The following ASNS variants were observed in gnomAD, a reference collection of about 807,000 sequenced individuals.
ASNS encodes the protein asparagine synthetase (glutamine-hydrolyzing), also known as asparagine synthetase [glutamine-hydrolyzing].
A neutral mutation model predicts 62.6 loss-of-function variants in ASNS; 37 were observed. The ratio of observed to expected loss-of-function variants is 0.59; its 90% CI spans 0.45 to 0.78. ASNS has a LOEUF of 0.78. Among genes scored for constraint, ASNS ranks in the 30% least tolerant of loss-of-function variants. The pLI is 0.00. For missense variants in ASNS, 520 were observed against 682.4 expected (o/e 0.76, Z 2.65); for synonymous variants, 207 against 237.9 (o/e 0.87, Z 1.19).
upstream of ASNS, among the ~76,000 whole-genome samples, chr7:97,873,994 G>C (rs1273739282): frequency 2.6e-5 from 4 of 152,138 alleles, no homozygotes; most frequent in Non-Finnish European, 5.9e-5. Flanking sequence ...AGGAGACAGG[G>C]TTTTGAGATC....
chr7:97,884,667 CT>C, the ASNS span, among the ~76,000 whole-genome samples: 1 of 152,144 alleles, frequency 6.6e-6, no homozygotes, highest in African/African-American at 2.4e-5. Context: ...ATCCCACCCC[CT>C]AGGCCTCTCC....
intron 9 of ASNS, chr7:97,854,993 TA>T (rs1282950516): frequency 3.1e-6 from 1 of 326,604 alleles, no homozygotes; most frequent in East Asian, 6.8e-5. Context: ...TTTTTTTTTT[TA>T]AGAGACGGGG....
the ASNS span, among the ~76,000 whole-genome samples, chr7:97,893,200 T>C: frequency 6.6e-6 from 1 of 152,234 alleles, no homozygotes; most frequent in Admixed American, 6.5e-5. Flanking sequence ...TGAGACTTAT[T>C]CACTATTAAA....
chr7:97,911,157 A>G, the ASNS span, among the ~76,000 whole-genome samples: 1 of 152,162 alleles, frequency 6.6e-6, no homozygotes, highest in Non-Finnish European at 1.5e-5. Flanking sequence ...TAAATTACGT[A>G]GGGGTGAATA....
chr7:97,884,340 C>A, the ASNS span, among the ~76,000 whole-genome samples: 2 of 151,914 alleles, frequency 1.3e-5, no homozygotes, highest in African/African-American at 2.4e-5. Context: ...CCTGAGATCA[C>A]GAGTTCGAGA....
At chr7:97,867,594 T>C (rs1352010243) in intron 3 of ASNS, among the ~76,000 whole-genome samples, 2 of 152,270 alleles carry the variant, frequency 1.3e-5, no homozygotes, top group African/African-American at 4.8e-5. Context: ...AATGCCATAA[T>C]ACCACCTAGC....
chr7:97,883,748 G>T, the ASNS span, among the ~76,000 whole-genome samples: 1 of 152,152 alleles, frequency 6.6e-6, no homozygotes, highest in East Asian at 1.9e-4. Context: ...AGCACTTTGG[G>T]AGGCCGAGGC....
At chr7:97,882,749 G>A in the ASNS span, among the ~76,000 whole-genome samples, 2 of 141,566 alleles carry the variant, frequency 1.4e-5, no homozygotes, top group Admixed American at 7.1e-5. Flanking sequence ...GCATTGAGTC[G>A]TAATGGAAAA....
the ASNS span, among the ~76,000 whole-genome samples, chr7:97,900,139 C>T: frequency 1.3e-5 from 2 of 150,424 alleles, no homozygotes; most frequent in Non-Finnish European, 3.0e-5. Flanking sequence ...GCAGGTGGAT[C>T]ACCTGAGGCC....
the ASNS span, among the ~76,000 whole-genome samples, chr7:97,902,942 G>A: frequency 7.2e-5 from 11 of 152,130 alleles, no homozygotes; most frequent in African/African-American, 2.7e-4. Flanking sequence ...GGGACATTAG[G>A]CAATATCTGG....
chr7:97,876,199 A>C (rs1299488989), upstream of ASNS, among the ~76,000 whole-genome samples: 5 of 152,090 alleles, frequency 3.3e-5, no homozygotes, highest in Non-Finnish European at 5.9e-5. Flanking sequence ...TTAGGGTTTT[A>C]GTCTGAGGAC....
At chr7:97,921,280 G>T in the ASNS span, among the ~76,000 whole-genome samples, 6 of 152,180 alleles carry the variant, frequency 3.9e-5, no homozygotes, top group African/African-American at 1.2e-4. Context: ...GACTGTCGGG[G>T]TACAAAGATA....
chr7:97,869,237 T>C, intron 2 of ASNS, 58 bp from the exon 3 acceptor site: 1 of 1,545,642 alleles, frequency 6.5e-7, no homozygotes, highest in South Asian at 1.2e-5. Context: ...AACTCTGCAT[T>C]AAATCTTGAT....
the ASNS span, among the ~76,000 whole-genome samples, chr7:97,916,223 A>T: frequency 1.3e-5 from 2 of 152,070 alleles, no homozygotes; most frequent in Admixed American, 6.6e-5. Flanking sequence ...TACTAAAAAT[A>T]CAAAAAAATT....
chr7:97,873,699 T>C (rs1792374917), upstream of ASNS, among the ~76,000 whole-genome samples: 1 of 152,076 alleles, frequency 6.6e-6, no homozygotes, highest in Non-Finnish European at 1.5e-5. Flanking sequence ...GAGAACTGAG[T>C]CATAATCTGT....
the ASNS span, among the ~76,000 whole-genome samples, chr7:97,909,849 A>G: frequency 3.3e-5 from 5 of 151,612 alleles, no homozygotes; most frequent in South Asian, 2.1e-4. Context: ...AACTCATGGC[A>G]AACACAACTG....
the ASNS span, among the ~76,000 whole-genome samples, chr7:97,905,982 G>A: frequency 6.6e-6 from 1 of 152,158 alleles, no homozygotes; most frequent in Non-Finnish European, 1.5e-5. Flanking sequence ...AGATGGCTAT[G>A]AAGTTTGCAT....
chr7:97,870,752 C>T (rs1792215796), intron 1 of ASNS, among the ~76,000 whole-genome samples: 1 of 152,176 alleles, frequency 6.6e-6, no homozygotes, highest in Non-Finnish European at 1.5e-5. Flanking sequence ...CTTTGAAAAT[C>T]AAGTATGGTC....
the ASNS span, among the ~76,000 whole-genome samples, chr7:97,892,602 C>T: frequency 7.2e-5 from 11 of 151,922 alleles, no homozygotes; most frequent in South Asian, 2.3e-3. Context: ...TATCAGATAC[C>T]CTAAATCTCA....
Sources: allele counts gnomAD v4.1 joint callset (sites outside exome capture counted in the v4.1 genomes callset), GRCh38; gene constraint gnomAD v4.1.1; transcripts MANE v1.5; gene names NCBI Gene and HGNC (gene_info 2026-07-23, HGNC 2026-07-21).